The following CNTN1 variants were observed in gnomAD, a reference collection of about 807,000 sequenced individuals.
The protein encoded by CNTN1 is contactin-1.
In CNTN1, 38 loss-of-function variants were observed where a neutral mutation model predicts 126.4. The ratio of observed to expected loss-of-function variants is 0.30; its 90% CI spans 0.23 to 0.39. The LOEUF (loss-of-function observed/expected upper bound fraction) is 0.39. Ranked by LOEUF, CNTN1 falls within the 10% of genes least tolerant of loss-of-function variation. CNTN1 has a pLI of 1.00. For synonymous variants in CNTN1, 413 were observed against 422.6 expected (o/e 0.98, Z 0.28); for missense variants, 1,009 against 1,248.4 (o/e 0.81, Z 2.89).
chr12:40,865,467 C>T (rs904798590), intron 1 of CNTN1, among the ~76,000 whole-genome samples: 2 of 152,076 alleles, frequency 1.3e-5, no homozygotes, highest in African/African-American at 4.8e-5. Context: ...AAGAAACATA[C>T]AATTTTAGCT....
At chr12:40,872,733 G>T (rs1222211707) in intron 1 of CNTN1, among the ~76,000 whole-genome samples, 1 of 151,780 alleles carries the variant, frequency 6.6e-6, no homozygotes, top group Non-Finnish European at 1.5e-5. Context: ...ACCACGCCCA[G>T]ATAATTTGTG....
intron 17 of CNTN1, 141 bp downstream of exon 17, chr12:40,993,410 G>A: frequency 7.3e-6 from 5 of 684,494 alleles, no homozygotes; most frequent in Non-Finnish European, 1.2e-5. Context: ...TCACTATCAA[G>A]ACAGTCAAAA....
At chr12:40,879,937 A>C (rs1393454092) in intron 1 of CNTN1, among the ~76,000 whole-genome samples, 1 of 152,282 alleles carries the variant, frequency 6.6e-6, no homozygotes, top group East Asian at 1.9e-4. Flanking sequence ...TGCATGCTAC[A>C]TGAAAATAAA....
At chr12:40,898,462 T>C (rs1944491280) in intron 1 of CNTN1, among the ~76,000 whole-genome samples, 1 of 152,166 alleles carries the variant, frequency 6.6e-6, no homozygotes, top group Non-Finnish European at 1.5e-5. Flanking sequence ...CATGGTTAAA[T>C]TGCACAATCA....
intron 1 of CNTN1, among the ~76,000 whole-genome samples, chr12:40,752,536 C>G (rs1215210293): frequency 6.6e-6 from 1 of 152,054 alleles, no homozygotes; most frequent in Admixed American, 6.6e-5. Flanking sequence ...ACCTCACATT[C>G]TCCCCTTAGT....
chr12:40,940,106 G>GA (rs1946215236), intron 12 of CNTN1, among the ~76,000 whole-genome samples: 1 of 152,050 alleles, frequency 6.6e-6, no homozygotes, highest in African/African-American at 2.4e-5. Context: ...AAGTAATATT[G>GA]AGTGCAAAAA....
intron 5 of CNTN1, among the ~76,000 whole-genome samples, chr12:40,923,143 C>T (rs1392064790): frequency 6.6e-6 from 1 of 151,754 alleles, no homozygotes. Flanking sequence ...ATATTGTATT[C>T]CCTAATATTT....
chr12:40,804,748 G>A (rs1237186111), intron 1 of CNTN1, among the ~76,000 whole-genome samples: 1 of 151,960 alleles, frequency 6.6e-6, no homozygotes, highest in Admixed American at 6.6e-5. Flanking sequence ...TTTTTTTAAT[G>A]TATAGGCCAA....
intron 19 of CNTN1, among the ~76,000 whole-genome samples, chr12:41,019,658 TG>T (rs2120773308): frequency 6.6e-6 from 1 of 152,314 alleles, no homozygotes; most frequent in African/African-American, 2.4e-5. Flanking sequence ...GAGACCTTTT[TG>T]ATACATATTT....
intron 1 of CNTN1, among the ~76,000 whole-genome samples, chr12:40,698,425 A>T (rs183879937): frequency 1.3e-5 from 2 of 151,560 alleles, no homozygotes; most frequent in Admixed American, 1.3e-4. Context: ...TTTAGTAGAG[A>T]TGGGGTTTCA....
At chr12:40,981,716 A>G (rs985551900) in intron 16 of CNTN1, among the ~76,000 whole-genome samples, 49 of 152,214 alleles carry the variant, frequency 3.2e-4, no homozygotes, top group Non-Finnish European at 7.4e-5. Context: ...AATATCACAC[A>G]TTAATACATA....
Position 40,922,324 on chromosome 12 carries a change from T to C in CNTN1, c.296T>C (p.Val99Ala), listed in dbSNP as rs780404377. Residue 99 changes from valine (V) to alanine (A), a missense_variant, in exon 5 of 24, where the codon GTT (valine) becomes GCT (alanine). Val to Ala is a moderately conservative substitution (Grantham distance 64). Coordinates refer to ENST00000551295, the MANE Select transcript of CNTN1 (RefSeq NM_001843.4). ...TACAGTATGGTAGGAGGAAACCTTG[T>C]TATCAACAACCCTGACAAACAGAAA... is the stretch of plus-strand genomic sequence containing the variant. ...DRYSMVGGNL[V>A]INNPDKQKDA... The C allele has an allele frequency of 3.5e-5, 57 of 1,613,924 alleles. No individual in the cohort carries two copies. Among genetic ancestry groups the C allele is most frequent in the Non-Finnish European group, 4.8e-5 (57 of 1,179,926 alleles).
In CNTN1 at chr12:41,042,005, G is replaced by A. The variant is rs145123793; in HGVS notation, c.2980+12786G>A. Among the ~76,000 whole-genome samples the A allele has an allele frequency of 5.8e-3, 889 of 152,202 alleles. 10 individuals carry two copies. Among genetic ancestry groups the A allele is most frequent in the African/African-American group, 0.019 (808 of 41,532 alleles). ...CTTTTCTAGTTCTTTTAATTGTGAT[G>A]TTAGGGTGTCAGTTTTGGATCTTTC... On this transcript the variant is annotated intron_variant, in intron 23 of 23. Coordinates refer to ENST00000551295, the MANE Select transcript of CNTN1 (RefSeq NM_001843.4).
chr12:41,030,879 T>C (rs1296768799), intron 23 of CNTN1, among the ~76,000 whole-genome samples: 1 of 152,234 alleles, frequency 6.6e-6, no homozygotes, highest in Non-Finnish European at 1.5e-5. Context: ...AAACATTTTC[T>C]ATATTCAGAA....
At chr12:40,893,666 C>T (rs1269266874) in intron 1 of CNTN1, among the ~76,000 whole-genome samples, 2 of 152,046 alleles carry the variant, frequency 1.3e-5, no homozygotes, top group Non-Finnish European at 2.9e-5. Flanking sequence ...AGAGCCATGA[C>T]AAAGGAAAAA....
chr12:40,790,835 C>G (rs143570098), intron 1 of CNTN1, among the ~76,000 whole-genome samples: 93 of 152,202 alleles, frequency 6.1e-4, no homozygotes, highest in Non-Finnish European at 1.1e-3. Flanking sequence ...AAAAATCCCC[C>G]AAAACTAATT....
At chr12:41,003,072 C>T (rs1948404824) in intron 17 of CNTN1, among the ~76,000 whole-genome samples, 1 of 152,124 alleles carries the variant, frequency 6.6e-6, no homozygotes, top group South Asian at 2.1e-4. Flanking sequence ...ATGATGTTGG[C>T]TCCGGGTTTG....
chr12:40,714,845 C>T (rs1368753043), intron 1 of CNTN1, among the ~76,000 whole-genome samples: 1 of 152,064 alleles, frequency 6.6e-6, no homozygotes. Context: ...TAACTCTATG[C>T]TCTGTATGTG....
rs1276032817 is a variant in CNTN1, at chr12:40,805,614, A to C, written c.-76-102743A>C. On this transcript the variant is annotated intron_variant, in intron 1 of 23. Transcript: ENST00000551295. Reference sequence around the variant, plus strand: ...ATATCTGTTAGCATTTTAATCGCTGATATTTTAAATTCTCTATCTGATAGT... The same window carrying C: ...ATATCTGTTAGCATTTTAATCGCTGCTATTTTAAATTCTCTATCTGATAGT... 3.3e-5 allele frequency among the ~76,000 whole-genome samples: 5 copies of C among 152,070 alleles called. No individual in the cohort carries two copies. In the East Asian group the frequency reaches 9.6e-4, roughly 29 times the overall value.
Sources: allele counts gnomAD v4.1 joint callset (sites outside exome capture counted in the v4.1 genomes callset), GRCh38; gene constraint gnomAD v4.1.1; transcripts MANE v1.5; gene names NCBI Gene and HGNC (gene_info 2026-07-23, HGNC 2026-07-21).